Variants in GRAMD4 observed in about 807,000 individuals in gnomAD.
GRAMD4 encodes GRAM domain containing 4, also known as GRAM domain-containing protein 4.
In GRAMD4, 25 loss-of-function variants were observed where a neutral mutation model predicts 83.9. The observed-to-expected ratio is 0.30, with a 90% CI of 0.22 to 0.42. The LOEUF is 0.42. Among genes scored for constraint, GRAMD4 ranks in the 10% least tolerant of loss-of-function variants. The pLI is 1.00. For synonymous variants in GRAMD4, 336 were observed against 320.9 expected, an observed-to-expected ratio of 1.05 and a Z score of -0.50; for missense variants, 593 against 788.7, an observed-to-expected ratio of 0.75 and a Z score of 2.97.
rs2081593039 is a variant in GRAMD4, at chr22:46,622,699, G to T, written c.-50+2134G>T. Among the ~76,000 whole-genome samples, 1 of 152,176 alleles carries T rather than the reference G, an allele frequency of 6.6e-6. No individual in the cohort carries two copies. Among genetic ancestry groups the T allele is most frequent in the Non-Finnish European group, 1.5e-5 (1 of 68,030 alleles). On this transcript the variant is annotated intron_variant, in intron 1 of 18. Transcript: ENST00000406902. This position sits in a 1 kb window ranked among gnomAD's most constrained non-coding sequence, Gnocchi z 4.0. ...GAGGCCGAGGCGGGTGGATCACGAG[G>T]TCAGGAGATTGAGACCATCCTGGCT...
chr22:46,662,737 A>C (rs980192399), intron 5 of GRAMD4, among the ~76,000 whole-genome samples: 1 of 152,154 alleles, frequency 6.6e-6, no homozygotes, highest in Non-Finnish European at 1.5e-5. Flanking sequence ...ACGAGAGCCC[A>C]GGGCGGGCAG....
intron 1 of GRAMD4, among the ~76,000 whole-genome samples, chr22:46,613,462 G>A (rs1176385425): frequency 6.6e-6 from 1 of 152,278 alleles, no homozygotes; most frequent in African/African-American, 2.4e-5. Context: ...GCAACCCCTA[G>A]CCCCGCACAG....
At chr22:46,611,313 A>G (rs1434487329) in intron 1 of GRAMD4, among the ~76,000 whole-genome samples, 1 of 152,026 alleles carries the variant, frequency 6.6e-6, no homozygotes, top group African/African-American at 2.4e-5. Context: ...ATGAGCTGCC[A>G]TATGGTGTGA....
chr22:46,595,448 T>C (rs1164288105), intron 1 of GRAMD4, among the ~76,000 whole-genome samples: 2 of 152,224 alleles, frequency 1.3e-5, no homozygotes, highest in Admixed American at 6.5e-5. Flanking sequence ...GGCCTGGCCC[T>C]GTGTCTGGAA....
Position 46,679,186 on chromosome 22 carries a change from T to A in GRAMD4, c.*1935T>A, listed in dbSNP as rs2082641412. 3.0e-6 allele frequency: 3 copies of A among 985,498 alleles called. No individual in the cohort carries two copies. Among genetic ancestry groups the A allele is most frequent in the Non-Finnish European group, 3.6e-6 (3 of 829,978 alleles). The allele number at this position is 985,498 out of a possible 1,614,324, so 61.0% of individuals were successfully genotyped here. ...AGTGCCCAAGGATGGGTCCGGGGCC[T>A]CGGGGCCAATGAGCGCCTCTTCCTA... On this transcript the variant is annotated 3_prime_UTR_variant, in exon 19 of 19. Transcript: ENST00000406902.
upstream of GRAMD4, among the ~76,000 whole-genome samples, chr22:46,617,337 G>T (rs1352537660): frequency 1.3e-5 from 2 of 150,782 alleles, no homozygotes; most frequent in Non-Finnish European, 3.0e-5. Context: ...TAAGCATGTA[G>T]GTTCCCCCGT....
intron 2 of GRAMD4, among the ~76,000 whole-genome samples, chr22:46,627,352 C>T (rs1264647109): frequency 6.6e-6 from 1 of 152,346 alleles, no homozygotes; most frequent in Admixed American, 6.5e-5. Flanking sequence ...CCAAGGTGCA[C>T]GTTTCCAGCC....
intron 1 of GRAMD4, among the ~76,000 whole-genome samples, chr22:46,605,313 A>G (rs908431114): frequency 6.6e-6 from 1 of 152,216 alleles, no homozygotes; most frequent in Non-Finnish European, 1.5e-5. Context: ...GTAATATTCC[A>G]TGGTGTGGAT....
At chr22:46,667,810 G>T (rs756833682) in intron 10 of GRAMD4, among the ~76,000 whole-genome samples, 1 of 152,248 alleles carries the variant, frequency 6.6e-6, no homozygotes, top group African/African-American at 2.4e-5. Context: ...GTGAGGGAGG[G>T]CAGCTGTGAA....
chr22:46,610,999 G>A (rs1014962850), intron 1 of GRAMD4, among the ~76,000 whole-genome samples: 1 of 152,096 alleles, frequency 6.6e-6, no homozygotes, highest in Non-Finnish European at 1.5e-5. Flanking sequence ...GGGATCAAGT[G>A]AGGTCAGCAG....
chr22:46,674,318 C>T (rs1271327394), intron 15 of GRAMD4, among the ~76,000 whole-genome samples: 1 of 152,156 alleles, frequency 6.6e-6, no homozygotes, highest in Non-Finnish European at 1.5e-5. Context: ...CTGCTGAGCC[C>T]TGGCCCTGCC....
intron 17 of GRAMD4, 57 bp downstream of exon 17, chr22:46,675,609 G>A (rs2082585222): frequency 3.6e-6 from 4 of 1,106,948 alleles, no homozygotes; most frequent in East Asian, 2.3e-5. Context: ...ACCTGACAGA[G>A]GCTGGCGAGG....
In GRAMD4 at chr22:46,677,296, CTTTTTCT is replaced by C. The variant is rs749605615; in HGVS notation, c.*51_*57del. The C allele has an allele frequency of 3.9e-6, 6 of 1,548,644 alleles. No individual in the cohort carries two copies. Among genetic ancestry groups the C allele is most frequent in the African/African-American group, 2.8e-5 (2 of 70,222 alleles). Reference sequence around the variant, plus strand: ...TTGCTGGAATTTTCTTTTTCTTTTTCTTTTTCTTTTTTTTTTTTTACGATTTGGTAGT... The same window carrying C: ...TTGCTGGAATTTTCTTTTTCTTTTTCTTTTTTTTTTTTACGATTTGGTAGT... On this transcript the variant is annotated 3_prime_UTR_variant, in exon 19 of 19. Coordinates refer to ENST00000406902, the MANE Select transcript of GRAMD4 (RefSeq NM_015124.5).
upstream of GRAMD4, among the ~76,000 whole-genome samples, chr22:46,617,574 A>G (rs549966558): frequency 6.6e-6 from 1 of 152,218 alleles, no homozygotes; most frequent in East Asian, 1.9e-4. Context: ...TTAAACATTA[A>G]CCAGCTCCTT....
At position 46,677,960 on chromosome 22, in the gene GRAMD4, A is replaced by G. The variant is rs571586245; in HGVS notation, c.*709A>G. 7.2e-5 allele frequency: 71 copies of G among 985,306 alleles called. No homozygotes were observed. The Admixed American group carries it at 4.1e-3, about 56-fold the overall frequency. 61.0% of individuals were successfully genotyped at this position (985,306 alleles called of 1,614,324 possible). A position where few individuals can be genotyped will look rare whatever the true frequency, so the allele number is the denominator to read the frequency against. On this transcript the variant is annotated 3_prime_UTR_variant, in exon 19 of 19. Transcript: ENST00000406902. ...CTTGCTGGCCTCCAGGGCGCTCAGC[A>G]CCGCGTCTGTAAGGGCCTGCCTGCT...
In GRAMD4 at chr22:46,677,913, C is replaced by T. The variant is rs2082622993; in HGVS notation, c.*662C>T. 7 of 985,070 alleles carry T rather than the reference C, an allele frequency of 7.1e-6. No homozygotes were observed. Among genetic ancestry groups the T allele is most frequent in the Admixed American group, 6.1e-5 (1 of 16,276 alleles). 61.0% of individuals were successfully genotyped at this position (985,070 alleles called of 1,614,324 possible). ...GAAGGGCCCACCCCTCGCCTGCCCT[C>T]AGTGTCTTTGGTGGCACCTTCCTTG... On this transcript the variant is annotated 3_prime_UTR_variant, in exon 19 of 19. Transcript: ENST00000406902.
At chr22:46,626,014 G>A (rs915486720) in intron 1 of GRAMD4, among the ~76,000 whole-genome samples, 4 of 152,244 alleles carry the variant, frequency 2.6e-5, no homozygotes, top group East Asian at 1.9e-4. Flanking sequence ...GCCTGACCCC[G>A]CTGTCTCTGG....
At chr22:46,632,833 C>T (rs976492895) in intron 2 of GRAMD4, among the ~76,000 whole-genome samples, 35 of 152,172 alleles carry the variant, frequency 2.3e-4, no homozygotes, top group Admixed American at 4.6e-4. Context: ...TGGATGGAGC[C>T]GGGTCACCCG....
chr22:46,625,849 C>T (rs945735696), intron 1 of GRAMD4, among the ~76,000 whole-genome samples: 3 of 152,250 alleles, frequency 2.0e-5, no homozygotes, highest in Non-Finnish European at 2.9e-5. Flanking sequence ...CAGTACCCCA[C>T]GGCACATCCG....
Sources: gnomAD v4.1 joint callset for allele counts (sites outside exome capture counted in the v4.1 genomes callset) on GRCh38, gnomAD v4.1.1 for gene constraint, Gnocchi (gnomAD v3.1) non-coding constraint, MANE v1.5 for transcripts, NCBI Gene and HGNC (gene_info 2026-07-23, HGNC 2026-07-21) for gene names.